The following PTPN13 variants were observed in gnomAD, a reference collection of about 807,000 sequenced individuals.
PTPN13 encodes tyrosine-protein phosphatase non-receptor type 13.
In PTPN13, 191 loss-of-function variants were observed where a neutral mutation model predicts 284.0. That is an observed-to-expected ratio of 0.67 (90% confidence interval 0.60 to 0.76). The LOEUF (loss-of-function observed/expected upper bound fraction) is 0.76, where lower values mean the gene tolerates loss of function less well. Ranked by LOEUF, PTPN13 falls within the 30% of genes least tolerant of loss-of-function variation. The pLI is 0.00. For synonymous variants in PTPN13, 986 were observed against 1,022.3 expected (o/e 0.96, Z 0.68); for missense variants, 2,797 against 2,939.9 (o/e 0.95, Z 1.12).
In PTPN13 at chr4:86,762,912, C is replaced by T. The variant is rs1370057079; in HGVS notation, c.3739C>T (p.Gln1247Ter). ...CCTGCGGGAAGGAAGCCTGAGTTCT[C>T]AAGATTCCAGGACTGAGAGTGCCAG... ...GGLREGSLSSQDSRTESASLS... is the reference protein window; with the variant it reads ...GGLREGSLSS The change falls in exon 24 of 48, where the codon CAA (glutamine) becomes TAA (stop). Residue 1247 changes from glutamine (Q) to a stop codon, truncating the protein, a stop_gained. Coordinates refer to ENST00000411767, the MANE Select transcript of PTPN13 (RefSeq NM_080683.3). LOFTEE classifies it high-confidence loss of function. The T allele has an allele frequency of 6.2e-7, 1 of 1,613,962 alleles. No homozygotes were observed.
At chr4:86,623,331 A>G (rs116592041) in intron 1 of PTPN13, among the ~76,000 whole-genome samples, 2,872 of 152,112 alleles carry the variant, frequency 0.019, 36 homozygotes, top group Middle Eastern at 0.034. Context: ...GCCTGCCAAT[A>G]TTGAGGGAAG....
intron 42 of PTPN13, among the ~76,000 whole-genome samples, chr4:86,802,146 A>AGTGTGTGTGT (rs55759778): frequency 5.2e-5 from 7 of 135,102 alleles, no homozygotes; most frequent in African/African-American, 1.8e-4. Flanking sequence ...TCAAGATTTT[A>AGTGTGTGTGT]GTGTGTGTGT....
chr4:86,696,752 C>A (rs1730636580), intron 6 of PTPN13, among the ~76,000 whole-genome samples: 1 of 151,938 alleles, frequency 6.6e-6, no homozygotes, highest in Non-Finnish European at 1.5e-5. Context: ...TCCCTTGTAT[C>A]TAAACTCAAG....
chr4:86,716,957 G>C (rs1733096338), intron 8 of PTPN13, 67 bp from the exon 9 acceptor site: 1 of 1,119,798 alleles, frequency 8.9e-7, no homozygotes, highest in African/African-American at 1.5e-5. Flanking sequence ...AAGTGTTTGA[G>C]TTTTAAATGA....
At position 86,705,333 on chromosome 4, in the gene PTPN13, C is replaced by CA. The variant is rs759784072; in HGVS notation, c.1195+3547dup. ...TGGGTGACAGAGCAAGACTCCGTCTCAAAAAAAAAAAAAAAGACATGCGCA... is the reference window on the plus strand; with the variant it reads ...TGGGTGACAGAGCAAGACTCCGTCTCAAAAAAAAAAAAAAAAGACATGCGCA... On this transcript the variant is annotated intron_variant, in intron 7 of 47. Coordinates refer to ENST00000411767, the MANE Select transcript of PTPN13 (RefSeq NM_080683.3). Among the ~76,000 whole-genome samples the CA allele has an allele frequency of 4.9e-3, 471 of 95,280 alleles. 9 individuals carry two copies. Among genetic ancestry groups the CA allele is most frequent in the East Asian group, 0.026 (91 of 3,470 alleles). The allele number at this position is 95,280 out of a possible 152,430, so 62.5% of individuals were successfully genotyped here.
intron 2 of PTPN13, among the ~76,000 whole-genome samples, chr4:86,653,594 T>G (rs1725358647): frequency 6.6e-6 from 1 of 151,878 alleles, no homozygotes; most frequent in South Asian, 2.1e-4. Context: ...TCACAACTCA[T>G]GATTCAAAAA....
chr4:86,736,366 G>A (rs1735508444), intron 15 of PTPN13, among the ~76,000 whole-genome samples: 1 of 152,230 alleles, frequency 6.6e-6, no homozygotes, highest in African/African-American at 2.4e-5. Context: ...ATATAAGATA[G>A]TGTTCTGTTG....
chr4:86,774,786 A>G (rs1740431235), intron 33 of PTPN13, among the ~76,000 whole-genome samples: 1 of 151,640 alleles, frequency 6.6e-6, no homozygotes, highest in Admixed American at 6.6e-5. Flanking sequence ...ACATATGTAT[A>G]CATGAACCGT....
In PTPN13 at chr4:86,751,094, A is replaced by T; in HGVS notation, c.3136A>T (p.Ile1046Phe). ...GAAACATGAATCAGACTCCTCATCC[A>T]TTGAAGACCCTGGGCAAGCATATGT... The part of the protein sequence containing the change: ...RRKHESDSSS[I>F]EDPGQAYVLG... The change falls in exon 19 of 48, where the codon ATT (isoleucine) becomes TTT (phenylalanine). Residue 1046 changes from isoleucine to phenylalanine, a missense_variant. Physicochemically the swap from Ile to Phe is conservative, Grantham distance 21. Coordinates refer to ENST00000411767, the MANE Select transcript of PTPN13 (RefSeq NM_080683.3). The T allele has an allele frequency of 6.2e-7, 1 of 1,605,786 alleles. No individual in the cohort carries two copies. Among genetic ancestry groups the T allele is most frequent in the East Asian group, 2.2e-5 (1 of 44,800 alleles).
chr4:86,595,523 A>C (rs1253436454), intron 1 of PTPN13, among the ~76,000 whole-genome samples: 1 of 152,094 alleles, frequency 6.6e-6, no homozygotes, highest in African/African-American at 2.4e-5. Flanking sequence ...GATGGGGAGA[A>C]ATATCACTAA....
At chr4:86,606,077 A>AT (rs796394263) in intron 1 of PTPN13, among the ~76,000 whole-genome samples, 88 of 151,966 alleles carry the variant, frequency 5.8e-4, no homozygotes, top group African/African-American at 2.0e-3. Flanking sequence ...ATGGAAAGTG[A>AT]TTTTTTTAGT....
At chr4:86,814,389 TA>T in intron 47 of PTPN13, 66 bp from the exon 48 acceptor site, 1 of 1,018,192 alleles carries the variant, frequency 9.8e-7, no homozygotes. Context: ...AATAGTGGTA[TA>T]GCTATATATA....
intron 42 of PTPN13, among the ~76,000 whole-genome samples, chr4:86,801,045 A>T (rs1743975218): frequency 6.6e-6 from 1 of 152,208 alleles, no homozygotes; most frequent in South Asian, 2.1e-4. Context: ...GCTGATTGAC[A>T]TAATTAAAGC....
In PTPN13 at chr4:86,762,922, G is replaced by A. The variant is rs775885387; in HGVS notation, c.3749G>A (p.Arg1250Lys). 6.2e-7 allele frequency: 1 copy of A among 1,613,932 alleles called. No homozygotes were observed. The highest frequency in any genetic ancestry group is 1.1e-5 in the South Asian group (1 of 91,078). ...GGAAGCCTGAGTTCTCAAGATTCCA[G>A]GACTGAGAGTGCCAGCTTGTCTCAA... ...REGSLSSQDSRTESASLSQSQ... is the reference protein window; with the variant it reads ...REGSLSSQDSKTESASLSQSQ... The change falls in exon 24 of 48, where the codon AGG (arginine) becomes AAG (lysine). Residue 1250 changes from arginine (R) to lysine (K), a missense_variant. By Grantham distance (26) the Arg-to-Lys change is conservative. Transcript: ENST00000411767.
In PTPN13 at chr4:86,704,607, C is replaced by T. The variant is rs143420767; in HGVS notation, c.1195+2806C>T. Reference sequence around the variant, plus strand: ...GCCTTATTTGTTCAAAAGGTAATTACGTATTTGATACATCATTTCCAGATT... The same window carrying T: ...GCCTTATTTGTTCAAAAGGTAATTATGTATTTGATACATCATTTCCAGATT... On this transcript the variant is annotated intron_variant, in intron 7 of 47. Transcript: ENST00000411767. Among the ~76,000 whole-genome samples the T allele has an allele frequency of 9.1e-4, 138 of 152,102 alleles. 1 individual carries two copies. The East Asian group carries it at 0.025, about 27-fold the overall frequency.
intron 24 of PTPN13, 107 bp from the exon 25 acceptor site, chr4:86,764,486 G>T: frequency 8.4e-6 from 7 of 830,186 alleles, no homozygotes; most frequent in South Asian, 2.7e-5. Context: ...TTTGATTCTA[G>T]CCAGCTTTGT....
intron 1 of PTPN13, among the ~76,000 whole-genome samples, chr4:86,607,787 T>C (rs2149181800): frequency 6.6e-6 from 1 of 152,164 alleles, no homozygotes; most frequent in South Asian, 2.1e-4. Flanking sequence ...CTTGCAATGA[T>C]ATATTTTCCT....
rs191471114 is a variant in PTPN13, at chr4:86,602,938, A to T, written c.-6+8149A>T. On this transcript the variant is annotated intron_variant, in intron 1 of 47. Transcript: ENST00000411767. The stretch of plus-strand genomic sequence containing the variant: ...GGTCTCAAACTACTGGACTCAAGCG[A>T]TCCTCCTGCCTCAGCCTCTTAAGGT... 4.5e-4 allele frequency among the ~76,000 whole-genome samples: 68 copies of T among 152,146 alleles called. 1 individual carries two copies. The East Asian group carries it at 0.012, about 26-fold the overall frequency.
At chr4:86,723,075 A>T (rs1733851797) in intron 10 of PTPN13, among the ~76,000 whole-genome samples, 1 of 152,240 alleles carries the variant, frequency 6.6e-6, no homozygotes, top group Non-Finnish European at 1.5e-5. Flanking sequence ...AATCAAAATG[A>T]ACAGTTCTTT....
Sources: gnomAD v4.1 joint callset for allele counts (sites outside exome capture counted in the v4.1 genomes callset) on GRCh38, gnomAD v4.1.1 for gene constraint, MANE v1.5 for transcripts, NCBI Gene and HGNC (gene_info 2026-07-23, HGNC 2026-07-21) for gene names.